The following PIRT variants were observed in gnomAD, a reference collection of about 807,000 sequenced individuals.
The protein encoded by PIRT is phosphoinositide interacting regulator of transient receptor potential channels, also known as phosphoinositide-interacting protein.
A neutral mutation model predicts 7.9 loss-of-function variants in PIRT; 6 were observed. The ratio of observed to expected loss-of-function variants is 0.76; its 90% CI spans 0.42 to 1.51. PIRT has a LOEUF of 1.51. PIRT is among the 40% of genes most tolerant of loss of function. The probability of loss-of-function intolerance (pLI) is 0.01; values close to 1 mark genes in which losing one functional copy is unlikely to be tolerated. For missense variants in PIRT, 170 were observed against 172.9 expected (o/e 0.98, Z 0.09); for synonymous variants, 78 against 71.8 (o/e 1.09, Z -0.44).
At chr17:10,832,879 A>AGTGCTAAGAGGATGAGAGGGGGTCTG (rs1905495154) in intron 1 of PIRT, among the ~76,000 whole-genome samples, 2 of 152,166 alleles carry the variant, frequency 1.3e-5, no homozygotes, top group African/African-American at 4.8e-5. Flanking sequence ...ATAGACCCTT[A>AGTGCTAAGAGGATGAGAGGGGGTCTG]GTGCTAAGAG....
intron 1 of PIRT, among the ~76,000 whole-genome samples, chr17:10,827,907 C>T (rs1478725598): frequency 6.6e-6 from 1 of 152,162 alleles, no homozygotes; most frequent in African/African-American, 2.4e-5. Flanking sequence ...TTTGAGAGAG[C>T]CCAGGTTCCC....
chr17:10,824,240 T>C lies in PIRT; in HGVS notation c.*992A>G, dbSNP rs1261723486. On this transcript the variant is annotated 3_prime_UTR_variant, in exon 2 of 2. Transcript: ENST00000580256. ...GCGACACTTAATAAATGTTGGCTTTTTTGGTGGGTGGGGGCAGGGATAACA... is the reference window on the plus strand; with the variant it reads ...GCGACACTTAATAAATGTTGGCTTTCTTGGTGGGTGGGGGCAGGGATAACA... 1.3e-5 allele frequency: 2 copies of C among 152,188 alleles called. No homozygotes were observed. The highest frequency in any genetic ancestry group is 3.9e-4 in the East Asian group (2 of 5,180). The allele number at this position is 152,188 out of a possible 1,614,324, so 9.4% of individuals were successfully genotyped here.
chr17:10,834,693 G>A (rs954921391), intron 1 of PIRT, among the ~76,000 whole-genome samples: 1 of 152,050 alleles, frequency 6.6e-6, no homozygotes, highest in African/African-American at 2.4e-5. Context: ...CCGGGTTCAC[G>A]CCATTCTCCT....
At position 10,822,696 on chromosome 17, in the gene PIRT, T is replaced by G. The variant is rs1433632448; in HGVS notation, c.*2536A>C. Reference sequence around the variant, plus strand: ...ACCTGGGCTGCATTTCCAGATCAGGTGCATCCGTACCTCAGCCTTCCATGG... The same window carrying G: ...ACCTGGGCTGCATTTCCAGATCAGGGGCATCCGTACCTCAGCCTTCCATGG... On this transcript the variant is annotated 3_prime_UTR_variant, in exon 2 of 2. Transcript: ENST00000580256. 1 of 152,134 alleles carries G rather than the reference T, an allele frequency of 6.6e-6. No individual in the cohort carries two copies. The highest frequency in any genetic ancestry group is 1.9e-4 in the East Asian group (1 of 5,186). The allele number at this position is 152,134 out of a possible 1,614,324, so 9.4% of individuals were successfully genotyped here.
intron 1 of PIRT, among the ~76,000 whole-genome samples, chr17:10,826,049 C>T (rs1015021317): frequency 4.6e-5 from 7 of 152,012 alleles, no homozygotes; most frequent in African/African-American, 1.4e-4. Flanking sequence ...CTGCAACCTC[C>T]ACCTCCCGGG....
chr17:10,828,860 T>C (rs1306564453), intron 1 of PIRT, among the ~76,000 whole-genome samples: 1 of 152,088 alleles, frequency 6.6e-6, no homozygotes. Flanking sequence ...CAGGGGGAAA[T>C]AGGAGTTGTA....
intron 1 of PIRT, among the ~76,000 whole-genome samples, chr17:10,828,853 G>C (rs1597587821): frequency 1.3e-5 from 2 of 152,204 alleles, no homozygotes; most frequent in Non-Finnish European, 2.9e-5. Flanking sequence ...CCATTAACAG[G>C]GGGAAATAGG....
chr17:10,825,847 ATTT>A (rs974388228), intron 1 of PIRT, 64 bp from the exon 2 acceptor site: 1 of 439,130 alleles, frequency 2.3e-6, no homozygotes, highest in Admixed American at 4.3e-5. Context: ...AGCTGGTATA[ATTT>A]TTTTTTCTTG....
chr17:10,826,651 G>A (rs1460159951), intron 1 of PIRT, among the ~76,000 whole-genome samples: 3 of 152,188 alleles, frequency 2.0e-5, no homozygotes, highest in Non-Finnish European at 4.4e-5. Flanking sequence ...GAGAGGTGAA[G>A]CAACTTCTTG....
chr17:10,825,550 G>T lies in PIRT; in HGVS notation c.96C>A (p.Cys32Ter), dbSNP rs1372165403. Residue 32 changes from cysteine (C) to a stop codon, truncating the protein, a stop_gained, in exon 2 of 2, where the codon TGC (cysteine) becomes TGA (stop). Coordinates refer to ENST00000580256, the MANE Select transcript of PIRT (RefSeq NM_001101387.2). LOFTEE classifies it high-confidence loss of function. ...AGACAGACTCGCTCCTGGAGCTGAT[G>T]CACAGGGAGCTGGCGGTCTGGCTGG... ...LLPSQTASSL[C>*]ISSRSESVWT... 1 of 1,607,276 alleles carries T rather than the reference G, an allele frequency of 6.2e-7. No individual in the cohort carries two copies. The highest frequency in any genetic ancestry group is 8.5e-7 in the Non-Finnish European group (1 of 1,176,626).
At chr17:10,830,227 A>C (rs1447788550) in intron 1 of PIRT, among the ~76,000 whole-genome samples, 1 of 152,174 alleles carries the variant, frequency 6.6e-6, no homozygotes, top group Non-Finnish European at 1.5e-5. Context: ...GCAAAAGGCA[A>C]GGAGCATCTA....
chr17:10,830,449 C>T (rs1248235422), intron 1 of PIRT, among the ~76,000 whole-genome samples: 4 of 152,156 alleles, frequency 2.6e-5, no homozygotes, highest in Non-Finnish European at 4.4e-5. Context: ...GTTACTTCAG[C>T]CCCTGAGCCT....
At chr17:10,829,574 G>A (rs879653957) in intron 1 of PIRT, among the ~76,000 whole-genome samples, 9 of 152,094 alleles carry the variant, frequency 5.9e-5, no homozygotes, top group East Asian at 3.9e-4. Context: ...CAAGGTCTTC[G>A]GCCTCAAAGC....
intron 1 of PIRT, among the ~76,000 whole-genome samples, chr17:10,826,074 C>T (rs1299554403): frequency 6.6e-6 from 1 of 152,092 alleles, no homozygotes; most frequent in Non-Finnish European, 1.5e-5. Flanking sequence ...AGTGATTCTC[C>T]TGCCTCAGCC....
rs565610986 is a variant in PIRT at position 10,827,216 on chromosome 17, A to C, written c.-138-1433T>G. On this transcript the variant is annotated intron_variant, in intron 1 of 1. Transcript: ENST00000580256. The stretch of plus-strand genomic sequence containing the variant: ...TTCCTATTCTCAGGCCTGGAAAGGT[A>C]TGGAGTCTCACTCAATTGCCCACCC... Among the ~76,000 whole-genome samples the C allele has an allele frequency of 4.6e-5, 7 of 152,236 alleles. No individual in the cohort carries two copies. In the Middle Eastern group the frequency reaches 0.014, roughly 296 times the overall value.
chr17:10,837,692 T>C (rs1905624302), intron 1 of PIRT, among the ~76,000 whole-genome samples: 1 of 152,178 alleles, frequency 6.6e-6, no homozygotes. Context: ...ACAAATTCCC[T>C]TCTTCCCAGT....
chr17:10,826,550 A>G (rs1420809699), intron 1 of PIRT, among the ~76,000 whole-genome samples: 1 of 152,264 alleles, frequency 6.6e-6, no homozygotes, highest in African/African-American at 2.4e-5. Context: ...CAGACACTGC[A>G]TCAAACACTT....
At chr17:10,830,149 C>A (rs1319055848) in intron 1 of PIRT, among the ~76,000 whole-genome samples, 2 of 152,164 alleles carry the variant, frequency 1.3e-5, no homozygotes, top group African/African-American at 4.8e-5. Context: ...AAGCAGTTCT[C>A]TTCCCCTGAG....
chr17:10,827,638 C>G (rs1905365942), intron 1 of PIRT, among the ~76,000 whole-genome samples: 2 of 151,558 alleles, frequency 1.3e-5, no homozygotes, highest in African/African-American at 4.9e-5. Context: ...CCACACGCAG[C>G]TAATTTTTGT....
Sources: allele counts gnomAD v4.1 joint callset (sites outside exome capture counted in the v4.1 genomes callset), GRCh38; gene constraint gnomAD v4.1.1; transcripts MANE v1.5; gene names NCBI Gene and HGNC (gene_info 2026-07-23, HGNC 2026-07-21).